GALK2: variants seen among roughly 807,000 people sequenced by gnomAD.
The protein encoded by GALK2 is N-acetylgalactosamine kinase.
A neutral mutation model predicts 52.4 loss-of-function variants in GALK2; 36 were observed. The observed-to-expected ratio is 0.69, with a 90% CI of 0.53 to 0.91. The LOEUF (loss-of-function observed/expected upper bound fraction) is 0.91, where lower values mean the gene tolerates loss of function less well. GALK2 is among the 40% of genes least tolerant of loss of function. The probability of loss-of-function intolerance (pLI) is 0.00; values close to 1 mark genes in which losing one functional copy is unlikely to be tolerated. For synonymous variants in GALK2, 176 were observed against 199.1 expected (o/e 0.88, Z 0.98); for missense variants, 579 against 559.1 (o/e 1.04, Z -0.36).
chr15:49,194,692 T>C (rs1351784047), intron 1 of GALK2, among the ~76,000 whole-genome samples: 1 of 151,372 alleles, frequency 6.6e-6, no homozygotes, highest in Non-Finnish European at 1.5e-5. Flanking sequence ...GCTTCCCAAG[T>C]TTAAGTGATT....
upstream of GALK2, chr15:49,170,046 G>T: frequency 2.0e-6 from 1 of 506,084 alleles, no homozygotes; most frequent in Non-Finnish European, 3.3e-6. Context: ...CTGCGCAGGG[G>T]CTCCTGCGAG....
At chr15:49,278,126 T>G (rs987277261) in intron 5 of GALK2, among the ~76,000 whole-genome samples, 17 of 152,010 alleles carry the variant, frequency 1.1e-4, no homozygotes, top group African/African-American at 3.6e-4. Flanking sequence ...CCTGGCGTGG[T>G]GGCGGGCGCC....
intron 9 of GALK2, among the ~76,000 whole-genome samples, chr15:49,325,936 A>C (rs2037402006): frequency 6.6e-6 from 1 of 152,210 alleles, no homozygotes; most frequent in South Asian, 2.1e-4. Flanking sequence ...GCCAGATTAA[A>C]AATAATACTC....
chr15:49,234,860 G>A (rs532168589), intron 3 of GALK2, among the ~76,000 whole-genome samples: 6 of 151,854 alleles, frequency 4.0e-5, no homozygotes, highest in Non-Finnish European at 7.4e-5. Context: ...TCTACCTCCC[G>A]GGTTCAAGCG....
chr15:49,209,842 G>T (rs759549220), intron 2 of GALK2, among the ~76,000 whole-genome samples: 3 of 152,086 alleles, frequency 2.0e-5, no homozygotes, highest in Non-Finnish European at 4.4e-5. Context: ...AATAATGCTG[G>T]CCTCATAGAA....
intron 1 of GALK2, among the ~76,000 whole-genome samples, chr15:49,181,500 A>C (rs1319208697): frequency 1.5e-5 from 2 of 133,988 alleles, no homozygotes; most frequent in African/African-American, 5.6e-5. Context: ...TAAAAAAAAG[A>C]CTTTTTTTTT....
At chr15:49,322,729 G>A (rs1224360007) in intron 9 of GALK2, among the ~76,000 whole-genome samples, 6 of 152,080 alleles carry the variant, frequency 3.9e-5, no homozygotes, top group Admixed American at 2.0e-4. Context: ...AGGCCAAGGC[G>A]GGCAGATCAT....
At chr15:49,228,660 GATAT>G (rs34288229) in intron 3 of GALK2, among the ~76,000 whole-genome samples, 517 of 14,024 alleles carry the variant, frequency 0.037, 18 homozygotes, top group Middle Eastern at 0.14. Flanking sequence ...GTCTTTCACT[GATAT>G]ATATATATAT....
intron 3 of GALK2, among the ~76,000 whole-genome samples, chr15:49,222,165 A>G (rs2089845531): frequency 6.6e-6 from 1 of 152,108 alleles, no homozygotes; most frequent in East Asian, 1.9e-4. Flanking sequence ...TAGCTATTAT[A>G]AACAGCATTT....
intron 3 of GALK2, among the ~76,000 whole-genome samples, chr15:49,355,422 C>A (rs1335325788): frequency 6.6e-6 from 1 of 152,144 alleles, no homozygotes; most frequent in African/African-American, 2.4e-5. Flanking sequence ...AAAACCAAGG[C>A]TCGAGAACTA....
At chr15:49,169,674 C>G (rs1221048195), upstream of GALK2, among the ~76,000 whole-genome samples, 1 of 152,106 alleles carries the variant, frequency 6.6e-6, no homozygotes, top group Non-Finnish European at 1.5e-5. Context: ...GCTAAGGGGT[C>G]TTGCACATTA....
chr15:49,210,978 C>T (rs1472001449), intron 2 of GALK2, among the ~76,000 whole-genome samples: 1 of 71,066 alleles, frequency 1.4e-5, no homozygotes, highest in African/African-American at 4.0e-5. Context: ...CACACTCACA[C>T]ACACACACAC....
At chr15:49,227,047 A>G in intron 3 of GALK2, among the ~76,000 whole-genome samples, 1 of 152,206 alleles carries the variant, frequency 6.6e-6, no homozygotes, top group East Asian at 1.9e-4. Flanking sequence ...GTCCTAACAT[A>G]TGGTCTATCC....
chr15:49,187,497 G>A (rs1375769533), intron 1 of GALK2, among the ~76,000 whole-genome samples: 2 of 152,154 alleles, frequency 1.3e-5, no homozygotes, highest in Non-Finnish European at 2.9e-5. Context: ...CAGACTTGTG[G>A]CTTTCTCTTT....
intron 1 of GALK2, among the ~76,000 whole-genome samples, chr15:49,195,975 A>T (rs192810741): frequency 1.9e-4 from 29 of 151,962 alleles, no homozygotes; most frequent in Admixed American, 3.3e-4. Flanking sequence ...TTTCTTATTT[A>T]AAAAAAAGTC....
At chr15:49,272,691 G>T (rs1170579995) in intron 5 of GALK2, among the ~76,000 whole-genome samples, 1 of 152,036 alleles carries the variant, frequency 6.6e-6, no homozygotes, top group Admixed American at 6.6e-5. Context: ...AATATCCAAG[G>T]TTGTACATTG....
chr15:49,182,339 C>T lies in GALK2; in HGVS notation c.53+11964C>T, dbSNP rs111376926. Among the ~76,000 whole-genome samples, 21 of 152,304 alleles carry T rather than the reference C, an allele frequency of 1.4e-4. No homozygotes were observed. The South Asian group carries it at 2.3e-3, about 17-fold the overall frequency. On this transcript the variant is annotated intron_variant, in intron 1 of 9. Coordinates refer to ENST00000560031, the MANE Select transcript of GALK2 (RefSeq NM_002044.4). ...AATGACAGGATCTCATTCTTTTTTA[C>T]GGCTGAGTAGTACTCCATTGTGTGT... is the stretch of plus-strand genomic sequence containing the variant.
rs2090775234 is a variant in GALK2, at chr15:49,235,904, G to A, written c.320G>A (p.Trp107Ter). The change falls in exon 4 of 10, where the codon TGG becomes TAG. Residue 107 changes from tryptophan to a stop codon, truncating the protein, a stop_gained. Coordinates refer to ENST00000560031, the MANE Select transcript of GALK2 (RefSeq NM_002044.4). LOFTEE classifies it high-confidence loss of function. ...CAGATTGATAAAACCAAGCCTTTGTGGCACAACTATTTCTTATGTGGACTT... is the reference window on the plus strand; with the variant it reads ...CAGATTGATAAAACCAAGCCTTTGTAGCACAACTATTTCTTATGTGGACTT... ...NIQIDKTKPL[W>*]HNYFLCGLKG... 1.9e-6 allele frequency: 3 copies of A among 1,613,500 alleles called. No homozygotes were observed. Among genetic ancestry groups the A allele is most frequent in the Non-Finnish European group, 2.5e-6 (3 of 1,179,482 alleles).
At chr15:49,312,255 T>C (rs1325183942) in intron 8 of GALK2, among the ~76,000 whole-genome samples, 2 of 152,226 alleles carry the variant, frequency 1.3e-5, no homozygotes, top group Non-Finnish European at 2.9e-5. Flanking sequence ...GCTTATCTTA[T>C]TGTGATGTGA....
Sources: gnomAD v4.1 joint callset for allele counts (sites outside exome capture counted in the v4.1 genomes callset) on GRCh38, gnomAD v4.1.1 for gene constraint, MANE v1.5 for transcripts, NCBI Gene and HGNC (gene_info 2026-07-23, HGNC 2026-07-21) for gene names.